ATP9B: variants seen among roughly 807,000 people sequenced by gnomAD.
ATP9B encodes the protein ATPase phospholipid transporting 9B.
A neutral mutation model predicts 146.1 loss-of-function variants in ATP9B; 110 were observed. That is an observed-to-expected ratio of 0.75 (90% CI 0.65 to 0.88). ATP9B has a LOEUF of 0.88. Among genes scored for constraint, ATP9B ranks in the 40% least tolerant of loss-of-function variants. The probability of loss-of-function intolerance (pLI) is 0.00; values close to 1 mark genes in which losing one functional copy is unlikely to be tolerated. For synonymous variants in ATP9B, 604 were observed against 569.7 expected, an observed-to-expected ratio of 1.06 and a Z score of -0.86; for missense variants, 1,499 against 1,496.4, an observed-to-expected ratio of 1.00 and a Z score of -0.03.
At chr18:79,201,719 G>A (rs910601756) in intron 9 of ATP9B, among the ~76,000 whole-genome samples, 26 of 152,110 alleles carry the variant, frequency 1.7e-4, no homozygotes, top group South Asian at 1.7e-3. Context: ...ACGGGTGTGC[G>A]CCACCAAGCC....
At chr18:79,199,427 T>G (rs1393236876) in intron 9 of ATP9B, among the ~76,000 whole-genome samples, 1 of 152,198 alleles carries the variant, frequency 6.6e-6, no homozygotes, top group Non-Finnish European at 1.5e-5. Context: ...TAGTCTTTTT[T>G]AGTTTTTAAA....
At chr18:79,345,296 C>T (rs2096880269) in intron 21 of ATP9B, 132 bp from the exon 22 acceptor site, 1 of 1,101,444 alleles carries the variant, frequency 9.1e-7, no homozygotes, top group Non-Finnish European at 1.3e-6. Context: ...AAATGATTCA[C>T]AGAAAACTGA....
chr18:79,141,037 G>A (rs927143400), intron 5 of ATP9B, among the ~76,000 whole-genome samples: 11 of 152,134 alleles, frequency 7.2e-5, no homozygotes, highest in African/African-American at 1.2e-4. Flanking sequence ...TGGCGATACC[G>A]TTTGGCTGTG....
At chr18:79,226,061 C>T (rs2095730860) in intron 11 of ATP9B, among the ~76,000 whole-genome samples, 1 of 152,254 alleles carries the variant, frequency 6.6e-6, no homozygotes, top group Non-Finnish European at 1.5e-5. Flanking sequence ...TTCTGGCAGC[C>T]TCATTCAGAG....
intron 15 of ATP9B, among the ~76,000 whole-genome samples, chr18:79,307,714 T>G (rs2096627135): frequency 1.3e-5 from 2 of 152,344 alleles, no homozygotes; most frequent in South Asian, 2.1e-4. Context: ...TTCCAAAACC[T>G]ACAGAAATGG....
At chr18:79,222,452 A>G (rs912792106) in intron 11 of ATP9B, among the ~76,000 whole-genome samples, 3 of 152,132 alleles carry the variant, frequency 2.0e-5, no homozygotes, top group Non-Finnish European at 2.9e-5. Flanking sequence ...AGTGGTGTGT[A>G]GAGGGTGGCC....
intron 17 of ATP9B, 90 bp from the exon 18 acceptor site, chr18:79,336,538 C>T: frequency 8.3e-7 from 1 of 1,200,328 alleles, no homozygotes. Flanking sequence ...GGCAGGGCAC[C>T]AGCAATCAGA....
At chr18:79,298,455 C>T (rs115029831) in intron 13 of ATP9B, among the ~76,000 whole-genome samples, 1,625 of 146,586 alleles carry the variant, frequency 0.011, 174 homozygotes, top group African/African-American at 0.038. Flanking sequence ...ATGAAAGAAA[C>T]CAAAATAGAC....
intron 4 of ATP9B, among the ~76,000 whole-genome samples, chr18:79,120,349 T>C (rs1245955811): frequency 6.6e-6 from 1 of 151,864 alleles, no homozygotes; most frequent in Non-Finnish European, 1.5e-5. Context: ...TGTTGTTCGC[T>C]AATTTTAAAT....
intron 2 of ATP9B, among the ~76,000 whole-genome samples, chr18:79,103,035 T>C (rs1050441101): frequency 2.6e-5 from 4 of 152,212 alleles, no homozygotes; most frequent in African/African-American, 9.6e-5. Flanking sequence ...CCTTGTAATC[T>C]ATAAAGACAG....
intron 19 of ATP9B, 136 bp downstream of exon 19, chr18:79,337,585 G>C (rs1313883230): frequency 2.5e-6 from 3 of 1,208,178 alleles, no homozygotes; most frequent in Non-Finnish European, 3.4e-6. Flanking sequence ...CTGCCCACCA[G>C]CTCCCCTCCT....
chr18:79,369,483 A>C (rs941500464), intron 26 of ATP9B, among the ~76,000 whole-genome samples: 6 of 147,042 alleles, frequency 4.1e-5, no homozygotes, highest in Non-Finnish European at 8.9e-5. Context: ...CAGTGAGCCA[A>C]GGTCGCACCA....
At chr18:79,204,280 T>A (rs758925305) in intron 9 of ATP9B, among the ~76,000 whole-genome samples, 11 of 152,260 alleles carry the variant, frequency 7.2e-5, no homozygotes, top group Non-Finnish European at 1.5e-4. Flanking sequence ...TGTTAGCTAC[T>A]GTGCAGGAGC....
At chr18:79,234,150 G>A (rs903230906) in intron 11 of ATP9B, among the ~76,000 whole-genome samples, 7 of 152,322 alleles carry the variant, frequency 4.6e-5, no homozygotes, top group Admixed American at 2.0e-4. Flanking sequence ...GGGAGGGAGC[G>A]AGTAGGGAAG....
chr18:79,080,458 A>T (rs911063396), intron 1 of ATP9B, among the ~76,000 whole-genome samples: 2 of 152,210 alleles, frequency 1.3e-5, no homozygotes, highest in Admixed American at 6.5e-5. Flanking sequence ...GTGTATAGGA[A>T]TGCCTGTGAT....
intron 12 of ATP9B, among the ~76,000 whole-genome samples, chr18:79,263,893 G>A (rs1012076426): frequency 6.6e-6 from 1 of 152,282 alleles, no homozygotes. Context: ...GACCATCCTG[G>A]CTAACACGGT....
Position 79,344,905 on chromosome 18 carries a change from C to T in ATP9B, c.2473-523C>T, listed in dbSNP as rs1470694382. On this transcript the variant is annotated intron_variant, in intron 21 of 29. Coordinates refer to ENST00000426216, the MANE Select transcript of ATP9B (RefSeq NM_198531.5). ...AGCTTCATGCCTCGTTTTCTTCGCA[C>T]GGTGGCCCCCGGCTGAGGGAACTGT... Among the ~76,000 whole-genome samples, 11 of 152,320 alleles carry T rather than the reference C, an allele frequency of 7.2e-5. No homozygotes were observed. The South Asian group carries it at 8.3e-4, about 11-fold the overall frequency.
In ATP9B at chr18:79,327,838, G is replaced by A. The variant is rs374036529; in HGVS notation, c.1774-1303G>A. ...GTTCTCCGTGGTTAGTGTGTTCTCC[G>A]TGGTTAGCGTGCTCTCCATGGTTAG... On this transcript the variant is annotated intron_variant, in intron 15 of 29. Transcript: ENST00000426216. Among the ~76,000 whole-genome samples, 136 of 68,858 alleles carry A rather than the reference G, an allele frequency of 2.0e-3. 23 individuals carry two copies. The highest frequency in any genetic ancestry group is 6.7e-3 in the African/African-American group (120 of 17,832). 45.2% of individuals were successfully genotyped at this position (68,858 alleles called of 152,430 possible).
At position 79,336,675 on chromosome 18, in the gene ATP9B, G is replaced by T; in HGVS notation, c.2076G>T (p.Lys692Asn). The T allele has an allele frequency of 6.2e-7, 1 of 1,613,718 alleles. No homozygotes were observed. Among genetic ancestry groups the T allele is most frequent in the Non-Finnish European group, 8.5e-7 (1 of 1,179,894 alleles). Residue 692 changes from lysine (K) to asparagine (N), a missense_variant, in exon 18 of 30, where the codon AAG becomes AAT. Coordinates refer to ENST00000426216, the MANE Select transcript of ATP9B (RefSeq NM_198531.5). ...REGLRTLVVA[K>N]KALTEEQYQD... is the part of the protein sequence containing the mutation. ...GACTGCGGACCCTCGTGGTTGCAAA[G>T]AAGGCGTTGACAGAGGAGCAGTACC...
Sources: allele counts gnomAD v4.1 joint callset (sites outside exome capture counted in the v4.1 genomes callset), GRCh38; gene constraint gnomAD v4.1.1; transcripts MANE v1.5; gene names NCBI Gene and HGNC (gene_info 2026-07-23, HGNC 2026-07-21).